PTPRG: variants seen among roughly 807,000 people sequenced by gnomAD.
PTPRG encodes the protein protein tyrosine phosphatase receptor type G, also known as receptor-type tyrosine-protein phosphatase gamma.
A neutral mutation model predicts 165.3 loss-of-function variants in PTPRG; 102 were observed. The ratio of observed to expected loss-of-function variants is 0.62; its 90% CI spans 0.53 to 0.73. PTPRG has a LOEUF of 0.73. Among genes scored for constraint, PTPRG ranks in the 30% least tolerant of loss-of-function variants. PTPRG has a pLI of 0.00. For missense variants in PTPRG, 1,866 were observed against 1,861.4 expected (o/e 1.00, Z -0.05); for synonymous variants, 675 against 669.5 (o/e 1.01, Z -0.13).
intron 2 of PTPRG, among the ~76,000 whole-genome samples, chr3:61,882,562 T>C (rs973251341): frequency 6.6e-6 from 1 of 152,204 alleles, no homozygotes; most frequent in Non-Finnish European, 1.5e-5. Context: ...ATCTCACTTA[T>C]TTGTGTTTTT....
chr3:62,056,554 AGC>A (rs1328855914), intron 4 of PTPRG, among the ~76,000 whole-genome samples: 6 of 152,190 alleles, frequency 3.9e-5, no homozygotes, highest in Non-Finnish European at 5.9e-5. Flanking sequence ...TCTCAACCTC[AGC>A]ATTTTGGGCT....
intron 4 of PTPRG, among the ~76,000 whole-genome samples, chr3:62,021,857 CTTTTT>C (rs398062374): frequency 4.1e-5 from 4 of 97,088 alleles, no homozygotes; most frequent in Non-Finnish European, 8.5e-5. Flanking sequence ...TTTTCCTTTT[CTTTTT>C]TTTTTTTTTT....
chr3:61,706,105 A>G (rs192549617), intron 1 of PTPRG, among the ~76,000 whole-genome samples: 1 of 152,310 alleles, frequency 6.6e-6, no homozygotes, highest in African/African-American at 2.4e-5. Context: ...TGCAGGCAGG[A>G]TTAAATGCTT....
intron 5 of PTPRG, among the ~76,000 whole-genome samples, chr3:62,130,391 G>A (rs1703469921): frequency 6.6e-6 from 1 of 152,176 alleles, no homozygotes; most frequent in South Asian, 2.1e-4. Context: ...ATATGGACAA[G>A]CCCAATTTCA....
chr3:62,026,561 CTT>C (rs1190195233), intron 4 of PTPRG, among the ~76,000 whole-genome samples: 3 of 152,144 alleles, frequency 2.0e-5, no homozygotes, highest in Non-Finnish European at 2.9e-5. Flanking sequence ...TGTAACTTTA[CTT>C]ATGCAAGCCT....
At chr3:62,082,466 A>G (rs1701614271) in intron 5 of PTPRG, among the ~76,000 whole-genome samples, 1 of 152,210 alleles carries the variant, frequency 6.6e-6, no homozygotes, top group Non-Finnish European at 1.5e-5. Context: ...CACAGTGTTT[A>G]TGATTCTTTT....
intron 5 of PTPRG, among the ~76,000 whole-genome samples, chr3:62,098,942 A>G (rs1417169259): frequency 6.6e-6 from 1 of 152,210 alleles, no homozygotes; most frequent in Non-Finnish European, 1.5e-5. Context: ...AGGATGTTTT[A>G]GAAACAAAAG....
At chr3:62,215,533 AC>A (rs1700474474) in intron 12 of PTPRG, among the ~76,000 whole-genome samples, 1 of 90,212 alleles carries the variant, frequency 1.1e-5, no homozygotes, top group Non-Finnish European at 2.2e-5. Context: ...ATAGGCTCCA[AC>A]CCCCTACGGG....
chr3:62,003,917 AG>A (rs1202436438), intron 4 of PTPRG, among the ~76,000 whole-genome samples: 2 of 152,192 alleles, frequency 1.3e-5, no homozygotes, highest in African/African-American at 2.4e-5. Context: ...CAAAGTTTTA[AG>A]TTTTTTTTGC....
In PTPRG at chr3:61,729,021, C is replaced by G. The variant is rs73099179; in HGVS notation, c.86-19857C>G. On this transcript the variant is annotated intron_variant, in intron 1 of 29. Coordinates refer to ENST00000474889, the MANE Select transcript of PTPRG (RefSeq NM_002841.4). ...AGGCTGCAGTGGGCCGAGATTGCAC[C>G]GTTGTGCTCCAGTCTGGGCGGCAGA... is the stretch of plus-strand genomic sequence containing the variant. Among the ~76,000 whole-genome samples the G allele has an allele frequency of 5.4e-4, 82 of 151,836 alleles. 3 individuals are homozygous for G. In the South Asian group the frequency reaches 0.017, roughly 31 times the overall value.
rs553702752 is a variant in PTPRG at position 61,887,164 on chromosome 3, A to T, written c.191-102461A>T. On this transcript the variant is annotated intron_variant, in intron 2 of 29. Transcript: ENST00000474889. ...TATATATATATATATATATATATAT[A>T]TATATATTTTTAATGCCATCATCAA... 2.3e-3 allele frequency among the ~76,000 whole-genome samples: 295 copies of T among 128,180 alleles called. 4 individuals carry two copies. The highest frequency in any genetic ancestry group is 8.7e-3 in the African/African-American group (267 of 30,766). 84.1% of individuals were successfully genotyped at this position (128,180 alleles called of 152,430 possible). A position where few individuals can be genotyped will look rare whatever the true frequency, so the allele number is the denominator to read the frequency against.
rs1233924973 is a variant in PTPRG at position 62,255,348 on chromosome 3, C to G, written c.2559+133C>G. 2 of 664,580 alleles carry G rather than the reference C, an allele frequency of 3.0e-6. No individual in the cohort carries two copies. Among genetic ancestry groups the G allele is most frequent in the Non-Finnish European group, 4.9e-6 (2 of 404,754 alleles). 41.2% of individuals were successfully genotyped at this position (664,580 alleles called of 1,614,324 possible). A position where few individuals can be genotyped will look rare whatever the true frequency, so the allele number is the denominator to read the frequency against. On this transcript the variant is annotated intron_variant, in intron 16 of 29. Transcript: ENST00000474889. This position sits in a 1 kb window ranked among gnomAD's most constrained non-coding sequence, Gnocchi z 4.0. ...CGGAAAGTGGAGTTTTTCTTTTCATCTATTATTTTAATAGGCATTCTTTTC... is the reference window on the plus strand; with the variant it reads ...CGGAAAGTGGAGTTTTTCTTTTCATGTATTATTTTAATAGGCATTCTTTTC...
intron 1 of PTPRG, among the ~76,000 whole-genome samples, chr3:61,699,076 C>T (rs555512086): frequency 2.6e-5 from 4 of 151,978 alleles, no homozygotes; most frequent in African/African-American, 9.7e-5. Context: ...TGTTAAATCA[C>T]GAGTTAATGG....
intron 2 of PTPRG, chr3:61,770,237 T>C (rs1369867596): frequency 2.6e-5 from 4 of 152,158 alleles, no homozygotes; most frequent in African/African-American, 9.7e-5. Context: ...TATATGTTGG[T>C]CCTCAATTTG....
chr3:61,811,154 GT>G (rs1296186359), intron 2 of PTPRG, among the ~76,000 whole-genome samples: 67 of 152,264 alleles, frequency 4.4e-4, no homozygotes, highest in Non-Finnish European at 7.2e-4. Flanking sequence ...TTTGGGCTGG[GT>G]TTTGTGATGC....
rs1171324866 is a variant in PTPRG at position 62,005,762 on chromosome 3, G to A, written c.519+2265G>A. Among the ~76,000 whole-genome samples the A allele has an allele frequency of 7.3e-5, 9 of 122,826 alleles. No individual in the cohort carries two copies. In the Admixed American group the frequency reaches 7.5e-4, roughly 10 times the overall value. The allele number at this position is 122,826 out of a possible 152,430, so 80.6% of individuals were successfully genotyped here. ...GTTGCCCAGGCTGGAATGTAGTGGC[G>A]CATGATATCAGCTCACTGCAATCTC... On this transcript the variant is annotated intron_variant, in intron 4 of 29. Coordinates refer to ENST00000474889, the MANE Select transcript of PTPRG (RefSeq NM_002841.4).
chr3:62,094,847 C>G (rs1702056910), intron 5 of PTPRG, among the ~76,000 whole-genome samples: 1 of 152,214 alleles, frequency 6.6e-6, no homozygotes, highest in East Asian at 1.9e-4. Context: ...AGAAGCAGTT[C>G]TGCTCATGCC....
intron 1 of PTPRG, among the ~76,000 whole-genome samples, chr3:61,693,520 G>T (rs1454852020): frequency 6.6e-6 from 1 of 152,190 alleles, no homozygotes; most frequent in Non-Finnish European, 1.5e-5. Flanking sequence ...GCTGGACTTG[G>T]TGCTGAGGAG....
chr3:61,682,055 A>G (rs775026368), intron 1 of PTPRG, among the ~76,000 whole-genome samples: 1 of 150,784 alleles, frequency 6.6e-6, no homozygotes, highest in African/African-American at 2.4e-5. Flanking sequence ...AGGCTGAGGC[A>G]GGAGAATCAC....
Sources: gnomAD v4.1 joint callset for allele counts (sites outside exome capture counted in the v4.1 genomes callset) on GRCh38, gnomAD v4.1.1 for gene constraint, Gnocchi (gnomAD v3.1) non-coding constraint, MANE v1.5 for transcripts, NCBI Gene and HGNC (gene_info 2026-07-23, HGNC 2026-07-21) for gene names.